P2RY8: variants seen among roughly 807,000 people sequenced by gnomAD.
P2RY8 encodes S-geranylgeranyl-glutathione receptor P2RY8.
A neutral mutation model predicts 10.0 loss-of-function variants in P2RY8; 6 were observed. The ratio of observed to expected loss-of-function variants is 0.60; its 90% CI spans 0.33 to 1.19. P2RY8 has a LOEUF of 1.19. Among genes scored for constraint, P2RY8 ranks in the 50% most tolerant of loss-of-function variants. P2RY8 has a pLI of 0.04. For synonymous variants in P2RY8, 276 were observed against 252.5 expected, an observed-to-expected ratio of 1.09 and a Z score of -0.88; for missense variants, 456 against 542.0, an observed-to-expected ratio of 0.84 and a Z score of 1.58.
intron 1 of P2RY8, among the ~76,000 whole-genome samples, chrX:1,502,027 C>T (rs181205899): frequency 6.6e-6 from 1 of 152,288 alleles, no homozygotes; most frequent in African/African-American, 2.4e-5. Context: ...TGTCCTGCCT[C>T]GGCCTCTTGA....
chrX:1,503,511 A>G (rs2092199477), intron 1 of P2RY8, among the ~76,000 whole-genome samples: 1 of 152,214 alleles, frequency 6.6e-6, no homozygotes, highest in African/African-American at 2.4e-5. Context: ...CTGTCATCCC[A>G]GCACTTCGGG....
At chrX:1,477,157 C>A (rs2091883598) in intron 1 of P2RY8, among the ~76,000 whole-genome samples, 2 of 151,366 alleles carry the variant, frequency 1.3e-5, no homozygotes, top group South Asian at 4.2e-4. Context: ...CCATTGCACC[C>A]CAGCCTGGGC....
At position 1,465,187 on chromosome X, in the gene P2RY8, A is replaced by G. The variant is rs1477286763; in HGVS notation, c.*292T>C. 6.1e-6 allele frequency: 3 copies of G among 490,210 alleles called. No homozygotes were observed. The highest frequency in any genetic ancestry group is 1.1e-5 in the Non-Finnish European group (3 of 279,848). 30.4% of individuals were successfully genotyped at this position (490,210 alleles called of 1,614,324 possible). On this transcript the variant is annotated 3_prime_UTR_variant, in exon 2 of 2. Coordinates refer to ENST00000381297, the MANE Select transcript of P2RY8 (RefSeq NM_178129.5). ...AAAATTAGCCGGGCGTGGTGACACA[A>G]GCTGTCCCCTGACACAGAGAGGCAG...
At chrX:1,508,702 C>CATCCATCCATCCATCCATCT (rs1224676271) in intron 1 of P2RY8, among the ~76,000 whole-genome samples, 17,341 of 86,076 alleles carry the variant, frequency 0.2, 2,365 homozygotes, top group Non-Finnish European at 0.28. Flanking sequence ...TCCATCCATC[C>CATCCATCCATCCATCCATCT]ATTCTATCTA....
At chrX:1,483,543 A>C (rs1456922768) in intron 1 of P2RY8, among the ~76,000 whole-genome samples, 2 of 152,146 alleles carry the variant, frequency 1.3e-5, no homozygotes, top group Non-Finnish European at 2.9e-5. Flanking sequence ...CTGAGGCAGG[A>C]GAATTGCTTG....
At chrX:1,534,786 CTGT>C (rs1409096985) in intron 1 of P2RY8, among the ~76,000 whole-genome samples, 50 of 152,266 alleles carry the variant, frequency 3.3e-4, no homozygotes, top group African/African-American at 1.1e-3. Context: ...AGCTACCCTG[CTGT>C]TGTTAATCCT....
chrX:1,478,726 C>T (rs769566658), intron 1 of P2RY8, among the ~76,000 whole-genome samples: 17 of 152,236 alleles, frequency 1.1e-4, no homozygotes, highest in African/African-American at 4.1e-4. Flanking sequence ...GATCCACCCA[C>T]CTCGGCCTCC....
chrX:1,484,767 G>A (rs1243574485), intron 1 of P2RY8, among the ~76,000 whole-genome samples: 1 of 110,820 alleles, frequency 9.0e-6, no homozygotes, highest in African/African-American at 3.0e-5. Flanking sequence ...AGAAGAAGAA[G>A]CGGCAGCTGG....
chrX:1,505,256 GC>G (rs1397348039), intron 1 of P2RY8, among the ~76,000 whole-genome samples: 2 of 152,104 alleles, frequency 1.3e-5, no homozygotes, highest in Admixed American at 1.3e-4. Flanking sequence ...CTGGCCACTT[GC>G]CCATCACAAA....
chrX:1,511,781 G>T (rs1424385336), intron 1 of P2RY8, among the ~76,000 whole-genome samples: 1 of 152,154 alleles, frequency 6.6e-6, no homozygotes, highest in African/African-American at 2.4e-5. Flanking sequence ...GGTCCCTTCT[G>T]GGGCTCCAGA....
At chrX:1,530,459 T>G (rs1197764285) in intron 1 of P2RY8, among the ~76,000 whole-genome samples, 1 of 147,344 alleles carries the variant, frequency 6.8e-6, no homozygotes, top group East Asian at 2.1e-4. Flanking sequence ...TATTTATCCA[T>G]GTATGTATGT....
In P2RY8 at chrX:1,465,576, G is replaced by A; in HGVS notation, c.983C>T (p.Ala328Val). The change falls in exon 2 of 2, where the codon GCC (alanine) becomes GTC (valine). Residue 328 changes from alanine to valine, a missense_variant. Ala to Val is a moderately conservative substitution (Grantham distance 64). Transcript: ENST00000381297. ...LDTRRESLFS[A>V]RTTSVRSEAG... ...CTCGGAGCGCACGGACGTGGTCCTG[G>A]CGGAGAAGAGGCTCTCGCGGCGCGT... 9 of 1,612,868 alleles carry A rather than the reference G, an allele frequency of 5.6e-6. No individual in the cohort carries two copies. The highest frequency in any genetic ancestry group is 7.6e-6 in the Non-Finnish European group (9 of 1,179,810).
intron 1 of P2RY8, among the ~76,000 whole-genome samples, chrX:1,502,558 C>T (rs1431527948): frequency 1.3e-5 from 2 of 152,196 alleles, no homozygotes; most frequent in Non-Finnish European, 2.9e-5. Flanking sequence ...CAGCCTTCCC[C>T]ACCTGCAAAC....
At chrX:1,532,408 G>GTGCGTATATACACA (rs1475083560) in intron 1 of P2RY8, among the ~76,000 whole-genome samples, 1 of 136,426 alleles carries the variant, frequency 7.3e-6, no homozygotes, top group South Asian at 2.4e-4. Context: ...ATGTATATAT[G>GTGCGTATATACACA]TATATGATGT....
At position 1,466,281 on chromosome X, in the gene P2RY8, A is replaced by G; in HGVS notation, c.278T>C (p.Val93Ala). ...CACGGTCACCACGTTGCAAAGCAGCACCCCGAATACCCAGTGGTGGCGGTT... is the reference window on the plus strand; with the variant it reads ...CACGGTCACCACGTTGCAAAGCAGCGCCCCGAATACCCAGTGGTGGCGGTT... ...HCNRHHWVFG[V>A]LLCNVVTVAF... The change falls in exon 2 of 2, where the codon GTG becomes GCG. Residue 93 changes from valine to alanine, a missense_variant. Physicochemically the swap from Val to Ala is moderately conservative, Grantham distance 64. Transcript: ENST00000381297. 1 of 1,613,866 alleles carries G rather than the reference A, an allele frequency of 6.2e-7. No homozygotes were observed. The highest frequency in any genetic ancestry group is 8.5e-7 in the Non-Finnish European group (1 of 1,179,852).
At chrX:1,469,232 C>A (rs1264671426) in intron 1 of P2RY8, among the ~76,000 whole-genome samples, 3 of 147,578 alleles carry the variant, frequency 2.0e-5, no homozygotes, top group Admixed American at 6.8e-5. Flanking sequence ...GGCGTGATCT[C>A]GGCTCACTGC....
At chrX:1,470,089 T>C (rs1331206922) in intron 1 of P2RY8, among the ~76,000 whole-genome samples, 1 of 152,162 alleles carries the variant, frequency 6.6e-6, no homozygotes, top group East Asian at 1.9e-4. Context: ...CCGGGCATCA[T>C]GGCTCACACC....
intron 1 of P2RY8, among the ~76,000 whole-genome samples, chrX:1,508,196 G>A (rs1168247184): frequency 1.3e-5 from 2 of 152,198 alleles, no homozygotes; most frequent in Non-Finnish European, 2.9e-5. Flanking sequence ...CCCAGGGGCT[G>A]GCAGAGCTGC....
In P2RY8 at chrX:1,465,558, C is replaced by A; in HGVS notation, c.1001G>T (p.Arg334Leu). The stretch of plus-strand genomic sequence containing the variant: ...TTCAGGGTGCGCACCGGCCTCGGAG[C>A]GCACGGACGTGGTCCTGGCGGAGAA... ...SLFSARTTSV[R>L]SEAGAHPEGM... is the part of the protein sequence containing the mutation. Residue 334 changes from arginine (R) to leucine (L), a missense_variant, in exon 2 of 2, where the codon CGC (arginine) becomes CTC (leucine). Physicochemically the swap from Arg to Leu is moderately radical, Grantham distance 102 (BLOSUM62 -2). Coordinates refer to ENST00000381297, the MANE Select transcript of P2RY8 (RefSeq NM_178129.5). 1 of 1,612,464 alleles carries A rather than the reference C, an allele frequency of 6.2e-7. No homozygotes were observed. Among genetic ancestry groups the A allele is most frequent in the Non-Finnish European group, 8.5e-7 (1 of 1,179,766 alleles).
Sources: gnomAD v4.1 joint callset for allele counts (sites outside exome capture counted in the v4.1 genomes callset) on GRCh38, gnomAD v4.1.1 for gene constraint, MANE v1.5 for transcripts, NCBI Gene and HGNC (gene_info 2026-07-23, HGNC 2026-07-21) for gene names.